Variants in ROR1 observed in about 807,000 individuals in gnomAD.
ROR1 encodes the protein inactive tyrosine-protein kinase transmembrane receptor ROR1.
ROR1 carries 19 observed loss-of-function variants against 78.8 expected under a neutral mutation model. The observed-to-expected ratio is 0.24, with a 90% CI of 0.17 to 0.35. ROR1 has a LOEUF of 0.35. Ranked by LOEUF, ROR1 falls within the 10% of genes least tolerant of loss-of-function variation. The pLI, the probability that ROR1 is intolerant of heterozygous loss-of-function variation, is 1.00. For synonymous variants in ROR1, 386 were observed against 433.6 expected (o/e 0.89, Z 1.36); for missense variants, 917 against 1,177.8 (o/e 0.78, Z 3.24).
intron 1 of ROR1, among the ~76,000 whole-genome samples, chr1:63,776,014 A>C (rs1423651773): frequency 6.6e-6 from 1 of 152,246 alleles, no homozygotes; most frequent in Non-Finnish European, 1.5e-5. Flanking sequence ...AAAAGTAAAA[A>C]TGGGCCATGC....
intron 1 of ROR1, among the ~76,000 whole-genome samples, chr1:63,895,195 A>G (rs1414194925): frequency 6.6e-6 from 1 of 152,224 alleles, no homozygotes; most frequent in Non-Finnish European, 1.5e-5. Context: ...TGGCCAATAA[A>G]GGTCACTGGA....
intron 1 of ROR1, among the ~76,000 whole-genome samples, chr1:63,776,574 G>GATAAC (rs1200247658): frequency 2.0e-5 from 3 of 152,248 alleles, no homozygotes; most frequent in South Asian, 2.1e-4. Context: ...GGAATCTATA[G>GATAAC]ATAACATAAC....
chr1:63,842,676 C>G (rs976401279), intron 1 of ROR1, among the ~76,000 whole-genome samples: 5 of 151,956 alleles, frequency 3.3e-5, no homozygotes, highest in Non-Finnish European at 5.9e-5. Flanking sequence ...GTTCCCTTTG[C>G]TCCTTCTTTT....
chr1:63,867,921 C>T (rs1176067045), intron 1 of ROR1, among the ~76,000 whole-genome samples: 3 of 152,304 alleles, frequency 2.0e-5, no homozygotes, highest in East Asian at 3.9e-4. Context: ...GGGTTACTGC[C>T]GAGCATGGCC....
intron 1 of ROR1, among the ~76,000 whole-genome samples, chr1:63,886,380 A>G (rs1268248579): frequency 6.6e-6 from 1 of 152,166 alleles, no homozygotes; most frequent in African/African-American, 2.4e-5. Context: ...GTTGCAATGC[A>G]TGGTTCTTAA....
At chr1:63,878,360 G>C (rs923119004) in intron 1 of ROR1, among the ~76,000 whole-genome samples, 4 of 152,156 alleles carry the variant, frequency 2.6e-5, no homozygotes, top group African/African-American at 9.7e-5. Flanking sequence ...TGACGATGAG[G>C]AACTGATCGG....
chr1:63,911,408 GTGAGCGAGCATTACTACC>G (rs1319973103), intron 1 of ROR1, among the ~76,000 whole-genome samples: 3 of 152,126 alleles, frequency 2.0e-5, no homozygotes, highest in African/African-American at 7.2e-5. Context: ...TGAGTGGCAG[GTGAGCGAGCATTACTACC>G]TGAGCCCTGC....
In ROR1 at chr1:64,159,194, T is replaced by A. The variant is rs1182621091; in HGVS notation, c.1386+2T>A. 1 of 1,608,752 alleles carries A rather than the reference T, an allele frequency of 6.2e-7. No homozygotes were observed. The highest frequency in any genetic ancestry group is 8.5e-7 in the Non-Finnish European group (1 of 1,175,224). On this transcript the variant is annotated splice_donor_variant, in intron 8 of 8. Coordinates refer to ENST00000371079, the MANE Select transcript of ROR1 (RefSeq NM_005012.4). LOFTEE classifies it high-confidence loss of function. ...ATGCTGAATGCATATAAACCCAAGGTAATGTTAGCAGTACAGAGCTACATT... is the reference window on the plus strand; with the variant it reads ...ATGCTGAATGCATATAAACCCAAGGAAATGTTAGCAGTACAGAGCTACATT...
chr1:64,122,171 T>A (rs191873534), intron 4 of ROR1, among the ~76,000 whole-genome samples: 3 of 152,318 alleles, frequency 2.0e-5, no homozygotes, highest in Non-Finnish European at 4.4e-5. Flanking sequence ...ATCCAATTTG[T>A]GAGCTAGCTT....
chr1:64,160,012 A>G (rs1649893471), intron 8 of ROR1, among the ~76,000 whole-genome samples: 1 of 152,198 alleles, frequency 6.6e-6, no homozygotes. Flanking sequence ...CCTCTCAGCA[A>G]AAAGATTTCA....
chr1:63,862,539 T>G (rs1403422694), intron 1 of ROR1, among the ~76,000 whole-genome samples: 1 of 152,146 alleles, frequency 6.6e-6, no homozygotes, highest in Non-Finnish European at 1.5e-5. Flanking sequence ...TTCATGTAGC[T>G]GTGAAAGAAG....
intron 1 of ROR1, among the ~76,000 whole-genome samples, chr1:63,811,006 G>A (rs1381271328): frequency 2.0e-5 from 3 of 152,130 alleles, no homozygotes; most frequent in Non-Finnish European, 4.4e-5. Flanking sequence ...GGACATCAAA[G>A]ACCTGAATTT....
At position 63,975,313 on chromosome 1, in the gene ROR1, C is replaced by T. The variant is rs564390768; in HGVS notation, c.92-33992C>T. On this transcript the variant is annotated intron_variant, in intron 1 of 8. Transcript: ENST00000371079. Reference sequence around the variant, plus strand: ...TTTATAGTACTATAGTTCGATGGTACGATATATCTTGTTAATAGAATCATG... The same window carrying T: ...TTTATAGTACTATAGTTCGATGGTATGATATATCTTGTTAATAGAATCATG... 7.2e-4 allele frequency among the ~76,000 whole-genome samples: 109 copies of T among 152,204 alleles called. 3 individuals are homozygous for T. The South Asian group carries it at 0.021, about 29-fold the overall frequency.
chr1:63,917,125 T>C (rs539136781), intron 1 of ROR1, among the ~76,000 whole-genome samples: 19 of 152,288 alleles, frequency 1.2e-4, no homozygotes, highest in Admixed American at 1.1e-3. Flanking sequence ...ACCTCTTACA[T>C]TGGTCACTGG....
At chr1:64,028,642 G>A (rs991267305) in intron 2 of ROR1, among the ~76,000 whole-genome samples, 1 of 151,738 alleles carries the variant, frequency 6.6e-6, no homozygotes, top group Non-Finnish European at 1.5e-5. Context: ...CATTCTAAGA[G>A]GACTTAAAAA....
At chr1:63,992,857 TCCTCTTCTTCCTG>T (rs1193000313) in intron 1 of ROR1, among the ~76,000 whole-genome samples, 2 of 152,136 alleles carry the variant, frequency 1.3e-5, no homozygotes, top group African/African-American at 2.4e-5. Flanking sequence ...GTTCTCCTCC[TCCTCTTCTTCCTG>T]CCTCTTCTTC....
At chr1:64,044,711 A>G (rs1646770764) in intron 2 of ROR1, among the ~76,000 whole-genome samples, 2 of 152,194 alleles carry the variant, frequency 1.3e-5, no homozygotes, top group Non-Finnish European at 2.9e-5. Flanking sequence ...CAGAAAAATT[A>G]TGGTTAGTTA....
intron 4 of ROR1, among the ~76,000 whole-genome samples, chr1:64,099,472 A>T (rs1356249031): frequency 6.6e-6 from 1 of 152,178 alleles, no homozygotes; most frequent in African/African-American, 2.4e-5. Context: ...TCATCGGAGC[A>T]TCTGAACTCA....
At chr1:63,821,477 T>C (rs1205376715) in intron 1 of ROR1, among the ~76,000 whole-genome samples, 2 of 152,068 alleles carry the variant, frequency 1.3e-5, no homozygotes, top group Non-Finnish European at 2.9e-5. Flanking sequence ...TCATAGTGAG[T>C]TGATGTGTTA....
Sources: allele counts gnomAD v4.1 joint callset (sites outside exome capture counted in the v4.1 genomes callset), GRCh38; gene constraint gnomAD v4.1.1; transcripts MANE v1.5; gene names NCBI Gene and HGNC (gene_info 2026-07-23, HGNC 2026-07-21).